Variants in PDE7A observed in about 807,000 individuals in gnomAD.
The protein encoded by PDE7A is phosphodiesterase 7A, also known as high affinity 3',5'-cyclic-AMP phosphodiesterase 7A.
A neutral mutation model predicts 64.3 loss-of-function variants in PDE7A; 39 were observed. The ratio of observed to expected loss-of-function variants is 0.61; its 90% CI spans 0.47 to 0.79. The LOEUF is 0.79. Among genes scored for constraint, PDE7A ranks in the 30% least tolerant of loss-of-function variants. The pLI is 0.00. For missense variants in PDE7A, 470 were observed against 582.8 expected, an observed-to-expected ratio of 0.81 and a Z score of 1.99; for synonymous variants, 203 against 206.8, an observed-to-expected ratio of 0.98 and a Z score of 0.16.
At chr8:65,774,288 G>T (rs1809194267) in intron 3 of PDE7A, among the ~76,000 whole-genome samples, 1 of 150,362 alleles carries the variant, frequency 6.7e-6, no homozygotes, top group Non-Finnish European at 1.5e-5. Context: ...ATTTTTAAAA[G>T]ATTTTTTGTA....
intron 9 of PDE7A, among the ~76,000 whole-genome samples, chr8:65,726,421 C>T (rs2129066368): frequency 6.6e-6 from 1 of 152,192 alleles, no homozygotes; most frequent in Middle Eastern, 3.4e-3. Context: ...CTATTGAGGA[C>T]ATAAGGCACT....
intron 12 of PDE7A, among the ~76,000 whole-genome samples, chr8:65,721,207 C>G (rs1806364060): frequency 1.3e-5 from 2 of 152,236 alleles, no homozygotes; most frequent in Non-Finnish European, 2.9e-5. Flanking sequence ...CCACAAGCCT[C>G]TACTTTATCT....
At chr8:65,719,583 T>A in intron 12 of PDE7A, 88 bp from the exon 13 acceptor site, 1 of 824,660 alleles carries the variant, frequency 1.2e-6, no homozygotes, top group Non-Finnish European at 2.0e-6. Flanking sequence ...CCTTCCTACA[T>A]CCTACTCCAG....
At chr8:65,738,548 GC>G (rs1363275201) in intron 6 of PDE7A, among the ~76,000 whole-genome samples, 1 of 152,190 alleles carries the variant, frequency 6.6e-6, no homozygotes, top group African/African-American at 2.4e-5. Flanking sequence ...TTGTGCCTCA[GC>G]CTCCCGAGCA....
chr8:65,750,528 G>A (rs1191053602), intron 3 of PDE7A, among the ~76,000 whole-genome samples: 1 of 150,926 alleles, frequency 6.6e-6, no homozygotes, highest in African/African-American at 2.4e-5. Flanking sequence ...GTGTGTGTGA[G>A]ACAGAGAGAG....
chr8:65,757,369 T>C (rs1402133022), intron 3 of PDE7A, among the ~76,000 whole-genome samples: 1 of 152,226 alleles, frequency 6.6e-6, no homozygotes, highest in Non-Finnish European at 1.5e-5. Context: ...CCCCTGGTTT[T>C]CATACATGGA....
chr8:65,829,324 C>A (rs1810756375), intron 1 of PDE7A, among the ~76,000 whole-genome samples: 1 of 152,058 alleles, frequency 6.6e-6, no homozygotes, highest in Non-Finnish European at 1.5e-5. Flanking sequence ...TCCCAAATGA[C>A]CCATTATACT....
At chr8:65,759,860 A>ATT (rs201184630) in intron 3 of PDE7A, among the ~76,000 whole-genome samples, 5 of 150,254 alleles carry the variant, frequency 3.3e-5, no homozygotes, top group African/African-American at 1.2e-4. Flanking sequence ...GGTACTCTAG[A>ATT]TTTTTTTTTT....
intron 3 of PDE7A, among the ~76,000 whole-genome samples, chr8:65,768,853 C>A (rs1019976520): frequency 6.6e-6 from 1 of 152,042 alleles, no homozygotes; most frequent in Non-Finnish European, 1.5e-5. Flanking sequence ...AAGATATAAT[C>A]AAAAATAATA....
intron 1 of PDE7A, among the ~76,000 whole-genome samples, chr8:65,822,047 C>G (rs1810553541): frequency 6.6e-6 from 1 of 151,608 alleles, no homozygotes; most frequent in African/African-American, 2.4e-5. Context: ...TATGCTGAAA[C>G]AAAGAGGGTA....
At chr8:65,804,689 C>T (rs1258722735) in intron 1 of PDE7A, among the ~76,000 whole-genome samples, 1 of 151,964 alleles carries the variant, frequency 6.6e-6, no homozygotes, top group Non-Finnish European at 1.5e-5. Flanking sequence ...AGGCATGTGC[C>T]ACCACACCAA....
chr8:65,779,852 G>C (rs761505542), intron 2 of PDE7A, 49 bp from the exon 3 acceptor site: 3 of 1,218,224 alleles, frequency 2.5e-6, no homozygotes, highest in Admixed American at 2.0e-5. Context: ...TGTCATTCGG[G>C]AAGAAGCTTC....
intron 5 of PDE7A, 44 bp from the exon 6 acceptor site, chr8:65,739,641 CAACACAAT>C: frequency 7.0e-7 from 1 of 1,425,046 alleles, no homozygotes; most frequent in Non-Finnish European, 9.2e-7. Context: ...AAATACAAGT[CAACACAAT>C]TATATTATGC....
intron 1 of PDE7A, among the ~76,000 whole-genome samples, chr8:65,824,375 GC>G (rs1171379925): frequency 1.3e-5 from 2 of 152,168 alleles, no homozygotes; most frequent in Admixed American, 1.3e-4. Flanking sequence ...TGGTGAAGAT[GC>G]TGTGAACACT....
chr8:65,747,790 A>G lies in PDE7A; in HGVS notation c.297T>C (p.Ile99=), dbSNP rs1347302867. The G allele has an allele frequency of 6.2e-7, 1 of 1,603,948 alleles. No individual in the cohort carries two copies. Among genetic ancestry groups the G allele is most frequent in the Non-Finnish European group, 8.5e-7 (1 of 1,174,146 alleles). The part of the protein sequence containing the change: ...DFRIFHSQSE[I]EVSVSARNIR... ...TATTCCTTGCAGAGACAGACACTTC[A>G]ATTTCAGATTGAGCTGAAATAAAAA... Residue 99 remains isoleucine (I), a synonymous_variant, in exon 4 of 13, where the codon ATT becomes ATC. Transcript: ENST00000401827.
chr8:65,737,985 C>G (rs1351237220), intron 6 of PDE7A, among the ~76,000 whole-genome samples: 2 of 152,192 alleles, frequency 1.3e-5, no homozygotes, highest in East Asian at 3.8e-4. Flanking sequence ...GTGATGGTCT[C>G]TCACTATTAA....
chr8:65,723,062 G>A (rs970309346), intron 12 of PDE7A: 1 of 152,492 alleles, frequency 6.6e-6, no homozygotes, highest in African/African-American at 2.4e-5. Context: ...AAGATTATAA[G>A]GGCCTGTCTA....
Position 65,714,841 on chromosome 8 carries a change from A to G in PDE7A, c.*4449T>C, listed in dbSNP as rs2129061611. On this transcript the variant is annotated 3_prime_UTR_variant, in exon 13 of 13. Coordinates refer to ENST00000401827, the MANE Select transcript of PDE7A (RefSeq NM_001242318.3). The stretch of plus-strand genomic sequence containing the variant: ...TCAGAATCTTCAAGGAATTACTAGC[A>G]CCTCTAATCTGTACCTCAGGTACAA... The G allele has an allele frequency of 6.6e-6, 1 of 152,346 alleles. No homozygotes were observed. Among genetic ancestry groups the G allele is most frequent in the South Asian group, 2.1e-4 (1 of 4,824 alleles). The allele number at this position is 152,346 out of a possible 1,614,324, so 9.4% of individuals were successfully genotyped here.
intron 3 of PDE7A, among the ~76,000 whole-genome samples, chr8:65,778,007 C>T (rs1809307860): frequency 1.3e-5 from 2 of 152,164 alleles, no homozygotes; most frequent in African/African-American, 4.8e-5. Flanking sequence ...ATTTTTCCCT[C>T]TCCTCTCCTT....
Sources: allele counts gnomAD v4.1 joint callset (sites outside exome capture counted in the v4.1 genomes callset), GRCh38; gene constraint gnomAD v4.1.1; transcripts MANE v1.5; gene names NCBI Gene and HGNC (gene_info 2026-07-23, HGNC 2026-07-21).